The following RYK variants were observed in gnomAD, a reference collection of about 807,000 sequenced individuals.
The protein encoded by RYK is receptor like tyrosine kinase.
Under a neutral mutation model 70.2 loss-of-function variants are expected in RYK, and 21 were observed. The observed-to-expected ratio is 0.30, with a 90% CI of 0.21 to 0.43. The LOEUF (loss-of-function observed/expected upper bound fraction) is 0.43, where lower values mean the gene tolerates loss of function less well. Ranked by LOEUF, RYK falls within the 20% of genes least tolerant of loss-of-function variation. RYK has a pLI of 1.00. For missense variants in RYK, 604 were observed against 753.3 expected (o/e 0.80, Z 2.32); for synonymous variants, 267 against 278.0 (o/e 0.96, Z 0.39).
intron 1 of RYK, among the ~76,000 whole-genome samples, chr3:134,230,895 T>C (rs1400777250): frequency 1.3e-5 from 2 of 152,216 alleles, no homozygotes; most frequent in African/African-American, 2.4e-5. Context: ...TCTCTGCTTA[T>C]CTCAAGAAGC....
At chr3:134,209,601 GT>G in intron 4 of RYK, 93 bp downstream of exon 4, 2 of 904,030 alleles carry the variant, frequency 2.2e-6, no homozygotes, top group Non-Finnish European at 3.1e-6. Context: ...ATAATCATGA[GT>G]TGGACATACT....
At chr3:134,191,709 T>C in intron 8 of RYK, 140 bp downstream of exon 8, 1 of 639,820 alleles carries the variant, frequency 1.6e-6, no homozygotes, top group South Asian at 2.6e-5. Flanking sequence ...AAATAATTTT[T>C]ATAAAAGAAA....
At chr3:134,173,189 G>C (rs1172235426) in intron 13 of RYK, among the ~76,000 whole-genome samples, 1 of 151,958 alleles carries the variant, frequency 6.6e-6, no homozygotes, top group Non-Finnish European at 1.5e-5. Flanking sequence ...GCTGAGGCAG[G>C]AGAATCGCAT....
In RYK at chr3:134,164,721, T is replaced by G. The variant is rs180715858; in HGVS notation, c.1576-5348A>C. ...AAAGCTGCTATGAACATCTGCGTAG[T>G]GTTGGTAAGAACATGTTTTCATTTA... On this transcript the variant is annotated intron_variant, in intron 13 of 14. Transcript: ENST00000623711. 3.3e-5 allele frequency among the ~76,000 whole-genome samples: 5 copies of G among 152,400 alleles called. No individual in the cohort carries two copies. The East Asian group carries it at 9.6e-4, about 29-fold the overall frequency.
chr3:134,201,379 C>T lies in RYK; in HGVS notation c.788+1351G>A, dbSNP rs561441328. ...ATATTCTTACGCCACAAATATGCTT[C>T]CCAGCTGCATGTTAAGACTAATTAG... On this transcript the variant is annotated intron_variant, in intron 6 of 14. Transcript: ENST00000623711. 2.3e-4 allele frequency among the ~76,000 whole-genome samples: 35 copies of T among 152,292 alleles called. No homozygotes were observed. The East Asian group carries it at 6.7e-3, about 29-fold the overall frequency.
intron 1 of RYK, among the ~76,000 whole-genome samples, chr3:134,245,206 A>C (rs540815123): frequency 6.6e-6 from 1 of 152,338 alleles, no homozygotes; most frequent in Non-Finnish European, 1.5e-5. Context: ...AAAAGTGTCA[A>C]CTACTACTAC....
rs2015045156 is a variant in RYK, at chr3:134,231,057, T to C, written c.233-8518A>G. On this transcript the variant is annotated intron_variant, in intron 1 of 14. Coordinates refer to ENST00000623711, the MANE Select transcript of RYK (RefSeq NM_002958.4). ...CCTAATAACAATTTATTGTTATTAC[T>C]GGTAATAATAACAAAAAATAATATG... Among the ~76,000 whole-genome samples the C allele has an allele frequency of 2.0e-5, 3 of 152,022 alleles. No homozygotes were observed. The South Asian group carries it at 6.2e-4, about 32-fold the overall frequency.
intron 2 of RYK, among the ~76,000 whole-genome samples, chr3:134,221,947 GAA>G (rs1193617161): frequency 3.9e-5 from 6 of 152,286 alleles, no homozygotes; most frequent in African/African-American, 1.2e-4. Flanking sequence ...TATGGGTAAA[GAA>G]GCCTCACCAC....
chr3:134,175,553 TA>T lies in RYK; in HGVS notation c.1575+55del. ...CAAAAGATAAAAATAGTAGAACATT[TA>T]AAAACAGAAAGCTGTTTCTCTATTC... On this transcript the variant is annotated intron_variant, in intron 13 of 14. Transcript: ENST00000623711. 6.4e-6 allele frequency: 10 copies of T among 1,553,054 alleles called. No individual in the cohort carries two copies. In the South Asian group the frequency reaches 1.2e-4, roughly 18 times the overall value.
intron 6 of RYK, among the ~76,000 whole-genome samples, chr3:134,202,367 G>A (rs1428749006): frequency 3.3e-5 from 5 of 152,204 alleles, no homozygotes; most frequent in African/African-American, 1.2e-4. Flanking sequence ...TTACTGGATG[G>A]ATGGAGGGAG....
rs189693257 is a variant in RYK, at chr3:134,213,865, G to A, written c.355-2258C>T. On this transcript the variant is annotated intron_variant, in intron 2 of 14. Coordinates refer to ENST00000623711, the MANE Select transcript of RYK (RefSeq NM_002958.4). Reference sequence around the variant, plus strand: ...GTCACCCAGGCTGGAGTGCAGTGGCGTGATATCGGCTCGCTGCAACCTCCA... The same window carrying A: ...GTCACCCAGGCTGGAGTGCAGTGGCATGATATCGGCTCGCTGCAACCTCCA... 3.0e-3 allele frequency among the ~76,000 whole-genome samples: 450 copies of A among 152,164 alleles called. 1 individual carries two copies. The highest frequency in any genetic ancestry group is 0.01 in the African/African-American group (419 of 41,520).
intron 1 of RYK, among the ~76,000 whole-genome samples, chr3:134,249,206 T>C (rs1271229504): frequency 6.6e-6 from 1 of 152,194 alleles, no homozygotes; most frequent in Non-Finnish European, 1.5e-5. Flanking sequence ...TTCAGCTAAC[T>C]CAGCTAGACT....
intron 9 of RYK, chr3:134,183,391 T>C (rs527992335): frequency 1.8e-4 from 29 of 162,552 alleles, no homozygotes; most frequent in Non-Finnish European, 3.1e-4. Context: ...AAATAGCTCA[T>C]ATAAATCAAT....
At chr3:134,191,352 A>G (rs1177953301) in intron 8 of RYK, among the ~76,000 whole-genome samples, 1 of 152,188 alleles carries the variant, frequency 6.6e-6, no homozygotes, top group African/African-American at 2.4e-5. Flanking sequence ...AGTCTAAGAG[A>G]TGACAACGCA....
chr3:134,169,935 A>T (rs1248100957), intron 13 of RYK, among the ~76,000 whole-genome samples: 1 of 152,204 alleles, frequency 6.6e-6, no homozygotes, highest in African/African-American at 2.4e-5. Flanking sequence ...ACAGAATATA[A>T]TGACTGTGTG....
chr3:134,181,655 C>A (rs183853640), intron 10 of RYK: 4 of 152,272 alleles, frequency 2.6e-5, no homozygotes, highest in Admixed American at 2.0e-4. Context: ...CTATAAACAT[C>A]TTCCAACAGA....
intron 10 of RYK, chr3:134,181,232 G>A (rs1359940191): frequency 6.6e-6 from 1 of 152,126 alleles, no homozygotes; most frequent in African/African-American, 2.4e-5. Context: ...CTTCTCCCTA[G>A]AGTCAGTGTA....
chr3:134,208,018 A>AAAGT (rs1294762988), intron 4 of RYK, among the ~76,000 whole-genome samples: 1 of 152,232 alleles, frequency 6.6e-6, no homozygotes, highest in Non-Finnish European at 1.5e-5. Context: ...ATCACATAAT[A>AAAGT]AAGTAAGAGT....
chr3:134,239,932 C>T (rs571303848), intron 1 of RYK, among the ~76,000 whole-genome samples: 6 of 152,076 alleles, frequency 3.9e-5, no homozygotes, highest in Admixed American at 3.3e-4. Context: ...GGGGAAAGAA[C>T]GCAAGGCAGA....
Sources: gnomAD v4.1 joint callset for allele counts (sites outside exome capture counted in the v4.1 genomes callset) on GRCh38, gnomAD v4.1.1 for gene constraint, MANE v1.5 for transcripts, NCBI Gene and HGNC (gene_info 2026-07-23, HGNC 2026-07-21) for gene names.